The following CDHR2 variants were observed in gnomAD, a reference collection of about 807,000 sequenced individuals.
CDHR2 encodes cadherin-related family member 2.
In CDHR2, 104 loss-of-function variants were observed where a neutral mutation model predicts 138.6. The ratio of observed to expected loss-of-function variants is 0.75; its 90% CI spans 0.64 to 0.88. CDHR2 has a LOEUF of 0.88. Among genes scored for constraint, CDHR2 ranks in the 40% least tolerant of loss-of-function variants. CDHR2 has a pLI of 0.00. For synonymous variants in CDHR2, 755 were observed against 742.8 expected, an observed-to-expected ratio of 1.02 and a Z score of -0.27; for missense variants, 1,624 against 1,727.6, an observed-to-expected ratio of 0.94 and a Z score of 1.06.
intron 3 of CDHR2, among the ~76,000 whole-genome samples, chr5:176,566,785 C>A (rs1006689070): frequency 3.9e-5 from 6 of 152,216 alleles, no homozygotes; most frequent in African/African-American, 1.2e-4. Flanking sequence ...GTCTCTTTGG[C>A]CAAAACTAAG....
At chr5:176,573,649 G>GAA (rs34171825) in intron 6 of CDHR2, among the ~76,000 whole-genome samples, 16 of 147,748 alleles carry the variant, frequency 1.1e-4, no homozygotes, top group Middle Eastern at 3.5e-3. Flanking sequence ...TCCATCTCAG[G>GAA]AAAAAAAAAA....
At chr5:176,555,955 A>G (rs1254151762) in intron 1 of CDHR2, among the ~76,000 whole-genome samples, 2 of 152,108 alleles carry the variant, frequency 1.3e-5, no homozygotes, top group Non-Finnish European at 2.9e-5. Context: ...TGTTTTTCTT[A>G]GAATAAAATG....
In CDHR2 at chr5:176,584,186, G is replaced by T; in HGVS notation, c.2059-4G>T. 1 of 1,613,712 alleles carries T rather than the reference G, an allele frequency of 6.2e-7. No individual in the cohort carries two copies. The highest frequency in any genetic ancestry group is 1.3e-5 in the African/African-American group (1 of 75,048). On this transcript the variant is annotated splice_region_variant and splice_polypyrimidine_tract_variant and intron_variant, in intron 17 of 31. Transcript: ENST00000261944. ...CGGGGACTCAGACCTGTCTCTGACT[G>T]CAGGACATCAATGATAACCTGCCCA...
chr5:176,545,056 G>C (rs532754429), upstream of CDHR2, among the ~76,000 whole-genome samples: 1 of 152,318 alleles, frequency 6.6e-6, no homozygotes, highest in South Asian at 2.1e-4. Context: ...ATAAATTTCT[G>C]AGTATGCAGT....
chr5:176,589,225 C>A, intron 22 of CDHR2, 43 bp downstream of exon 22: 1 of 1,610,188 alleles, frequency 6.2e-7, no homozygotes, highest in South Asian at 1.1e-5. Flanking sequence ...GGGGAGGGGC[C>A]CGATAGGAGC....
chr5:176,565,747 A>G lies in CDHR2; in HGVS notation c.124+4A>G. ...CTGCCTGAGGACCTGCCTGTGGGTG[A>G]GTCCCGGTCCCTGTGTCTGCCCCAT... On this transcript the variant is annotated splice_donor_region_variant and intron_variant, in intron 3 of 31. Coordinates refer to ENST00000261944, the MANE Select transcript of CDHR2 (RefSeq NM_017675.6). The G allele has an allele frequency of 6.2e-7, 1 of 1,612,796 alleles. No individual in the cohort carries two copies. The highest frequency in any genetic ancestry group is 1.1e-5 in the South Asian group (1 of 90,884).
In CDHR2 at chr5:176,595,619, C is replaced by G; in HGVS notation, c.3880C>G (p.Gln1294Glu). 1 of 1,612,504 alleles carries G rather than the reference C, an allele frequency of 6.2e-7. No homozygotes were observed. Residue 1294 changes from glutamine (Q) to glutamate (E), a missense_variant, in exon 32 of 32, where the codon CAG becomes GAG. By Grantham distance (29) the Gln-to-Glu change is conservative. Around this residue, in one of 3 missense-constraint regions of CDHR2, gnomAD observed 556 missense variants for 565.7 expected, o/e 0.98. Coordinates refer to ENST00000261944, the MANE Select transcript of CDHR2 (RefSeq NM_017675.6). ...LLGRQAGASG[Q>E]LEGPSYTNAG... ...AGGACGGCAGGCAGGCGCAAGTGGA[C>G]AGCTGGAGGGGCCATCCTACACCAA...
rs1209655134 is a variant in CDHR2 at position 176,543,276 on chromosome 5, G to C, written c.-16+507G>C. Among the ~76,000 whole-genome samples, 2 of 146,722 alleles carry C rather than the reference G, an allele frequency of 1.4e-5. No individual in the cohort carries two copies. The highest frequency in any genetic ancestry group is 2.1e-4 in the South Asian group (1 of 4,822). ...CCGGCGTTACCTGGGGCCGCGGCGG[G>C]GCTCCACCCCCACCCGGCGGCCGGC... On this transcript the variant is annotated intron_variant, in intron 1 of 31. Transcript: ENST00000510636. The surrounding 1 kb of genome is among the most constrained non-coding windows in gnomAD (Gnocchi z 4.0).
chr5:176,595,665 AC>A lies in CDHR2; in HGVS notation c.3928del (p.Leu1310CysfsTer30). The A allele has an allele frequency of 6.3e-7, 1 of 1,590,662 alleles. No individual in the cohort carries two copies. The highest frequency in any genetic ancestry group is 8.6e-7 in the Non-Finnish European group (1 of 1,168,082). ...ACCAACGCTGGCCTGGACACCACGG[AC>A]CTGTGACAGGGGCCCCCACTCTTCT... The part of the protein sequence containing the change: ...SYTNAGLDTT[D>X]L On this transcript the variant is annotated frameshift_variant, in exon 32 of 32. Transcript: ENST00000261944. LOFTEE classifies it high-confidence loss of function.
intron 30 of CDHR2, 190 bp downstream of exon 30, chr5:176,591,674 GTGATGATGACAACAA>G (rs2113333285): frequency 3.3e-6 from 2 of 610,122 alleles, no homozygotes; most frequent in South Asian, 1.8e-5. Context: ...GGTGACAGTG[GTGATGATGACAACAA>G]TGATGGTGGT....
chr5:176,591,704 A>G (rs1224478126), intron 30 of CDHR2: 4 of 533,094 alleles, frequency 7.5e-6, no homozygotes, highest in African/African-American at 6.4e-5. Flanking sequence ...GGTGGTGATG[A>G]TGGTGTTGGT....
rs544585231 is a variant in CDHR2, at chr5:176,594,581, G to A, written c.3793-951G>A. 1.6e-4 allele frequency among the ~76,000 whole-genome samples: 24 copies of A among 152,358 alleles called. 1 individual carries two copies. The South Asian group carries it at 4.1e-3, about 26-fold the overall frequency. On this transcript the variant is annotated intron_variant, in intron 31 of 31. Coordinates refer to ENST00000261944, the MANE Select transcript of CDHR2 (RefSeq NM_017675.6). ...CCAGGTCTTTGGTCTCTGGCACCAG[G>A]TCATGTTATCGTGGGTGGCACTGAG... is the stretch of plus-strand genomic sequence containing the variant.
In CDHR2 at chr5:176,577,673, G is replaced by A. The variant is rs375196707; in HGVS notation, c.1387G>A (p.Val463Ile). ...ATDSVSQNFS[V>I]AMVTIHLRDI... The stretch of plus-strand genomic sequence containing the variant: ...AGACTCCGTCAGCCAGAACTTCTCC[G>A]TCGCCATGGTGACCATCCACCTTAG... Residue 463 changes from valine (V) to isoleucine (I), a missense_variant, in exon 14 of 32, where the codon GTC becomes ATC. This residue lies in a region of CDHR2 where 1,061 missense variants were observed against 1,136.6 expected (regional missense o/e 0.93). Transcript: ENST00000261944. 1.2e-4 allele frequency: 200 copies of A among 1,614,070 alleles called. No homozygotes were observed. The highest frequency in any genetic ancestry group is 2.4e-4 in the African/African-American group (18 of 74,922).
chr5:176,546,908 C>T (rs1255910843), upstream of CDHR2, among the ~76,000 whole-genome samples: 1 of 152,016 alleles, frequency 6.6e-6, no homozygotes, highest in East Asian at 1.9e-4. Context: ...GAGGAAAAGC[C>T]TCTTGGGTAT....
intron 31 of CDHR2, among the ~76,000 whole-genome samples, chr5:176,593,202 T>C (rs34425002): frequency 0.28 from 42,590 of 152,042 alleles, 6,025 homozygotes; most frequent in East Asian, 0.34. Flanking sequence ...GGAGAGAAGA[T>C]GGGTTCAAAT....
rs1758524225 is a variant in CDHR2, at chr5:176,581,349, G to C, written c.1825G>C (p.Asp609His). ...CCCCTGCTTACGTGCACAGGCCCAC[G>C]ACAATGATGAGCCGGGCACCAACAA... Reference protein sequence around the residue: ...GNVSVTIQAHDNDEPGTNNSR... With the variant: ...GNVSVTIQAHHNDEPGTNNSR... Residue 609 changes from aspartate to histidine, a missense_variant, in exon 17 of 32, where the codon GAC (aspartate) becomes CAC (histidine). Physicochemically the swap from Asp to His is moderately conservative, Grantham distance 81. This residue lies in a region of CDHR2 where 1,061 missense variants were observed against 1,136.6 expected (regional missense o/e 0.93). Transcript: ENST00000261944. 1 of 1,613,060 alleles carries C rather than the reference G, an allele frequency of 6.2e-7. No individual in the cohort carries two copies. The highest frequency in any genetic ancestry group is 1.3e-5 in the African/African-American group (1 of 74,926).
chr5:176,580,158 TCACA>T lies in CDHR2; in HGVS notation c.1819-1181_1819-1178del, dbSNP rs879500557. Among the ~76,000 whole-genome samples the T allele has an allele frequency of 1.7e-4, 25 of 146,618 alleles. No homozygotes were observed. The South Asian group carries it at 5.0e-3, about 29-fold the overall frequency. The stretch of plus-strand genomic sequence containing the variant: ...CTCACACACGCACTCACACACACAC[TCACA>T]CACGCACTCACACACACTCACACAC... On this transcript the variant is annotated intron_variant, in intron 16 of 31. Transcript: ENST00000261944.
intron 30 of CDHR2, among the ~76,000 whole-genome samples, chr5:176,592,065 AGTGGTGGCAGTTATC>A (rs1361451267): frequency 2.5e-5 from 3 of 119,370 alleles, no homozygotes; most frequent in Non-Finnish European, 3.4e-5. Flanking sequence ...TGGTCATGGT[AGTGGTGGCAGTTATC>A]GTGGTGGTGG....
At chr5:176,571,417 G>C (rs896864221) in intron 6 of CDHR2, 115 bp downstream of exon 6, 11 of 617,932 alleles carry the variant, frequency 1.8e-5, no homozygotes, top group Middle Eastern at 4.6e-4. Flanking sequence ...ACCTCTCCTA[G>C]CAGGGGCAGC....
Sources: gnomAD v4.1 joint callset for allele counts (sites outside exome capture counted in the v4.1 genomes callset) on GRCh38, gnomAD v4.1.1 for gene constraint, gnomAD v4.1.1 regional missense constraint, Gnocchi (gnomAD v3.1) non-coding constraint, MANE v1.5 for transcripts, NCBI Gene and HGNC (gene_info 2026-07-23, HGNC 2026-07-21) for gene names.